LETM1: variants seen among roughly 807,000 people sequenced by gnomAD.
The protein encoded by LETM1 is leucine zipper and EF-hand containing transmembrane protein 1.
In LETM1, 50 loss-of-function variants were observed where a neutral mutation model predicts 74.5. That is an observed-to-expected ratio of 0.67 (90% CI 0.53 to 0.85). The LOEUF is 0.85. Ranked by LOEUF, LETM1 falls within the 40% of genes least tolerant of loss-of-function variation. The pLI is 0.00. For synonymous variants in LETM1, 446 were observed against 407.1 expected (o/e 1.10, Z -1.15); for missense variants, 824 against 967.8 (o/e 0.85, Z 1.97).
At position 1,823,648 on chromosome 4, in the gene LETM1, A is replaced by G. The variant is rs1711877180; in HGVS notation, c.1328T>C (p.Ile443Thr). The change falls in exon 8 of 14, where the codon ATT becomes ACT. Residue 443 changes from isoleucine (I) to threonine (T), a missense_variant. Transcript: ENST00000302787. ...LKSTLQTLPE[I>T]VAKEAQVKVA... is the part of the protein sequence containing the mutation. ...GGGGTCTCCGACAGCACGTACCACA[A>G]TCTCTGGGAGGGTCTGCAGTGTGGA... 1.2e-6 allele frequency: 2 copies of G among 1,613,654 alleles called. No homozygotes were observed. Among genetic ancestry groups the G allele is most frequent in the Non-Finnish European group, 1.7e-6 (2 of 1,179,930 alleles).
At chr4:1,815,608 C>G in intron 13 of LETM1, 56 bp downstream of exon 13, 1 of 1,599,708 alleles carries the variant, frequency 6.3e-7, no homozygotes, top group Non-Finnish European at 8.5e-7. Context: ...TCCCCCTGCC[C>G]CACCCCACTC....
intron 4 of LETM1, among the ~76,000 whole-genome samples, chr4:1,835,451 C>A (rs1406631177): frequency 2.7e-5 from 4 of 150,594 alleles, no homozygotes. Flanking sequence ...AAAAAAAAAA[C>A]AAAAACAAAA....
At chr4:1,822,954 G>A (rs1237559311) in intron 9 of LETM1, 34 bp downstream of exon 9, 3 of 1,428,504 alleles carry the variant, frequency 2.1e-6, no homozygotes, top group Non-Finnish European at 2.8e-6. Flanking sequence ...GCTCAGGACA[G>A]CCCCACGCGG....
At position 1,825,560 on chromosome 4, in the gene LETM1, G is replaced by T. The variant is rs373020080; in HGVS notation, c.1200+4C>A. 1.2e-6 allele frequency: 2 copies of T among 1,608,916 alleles called. No individual in the cohort carries two copies. Among genetic ancestry groups the T allele is most frequent in the South Asian group, 1.1e-5 (1 of 90,934 alleles). Reference sequence around the variant, plus strand: ...GGCCTGGCACCAGGCCAATATTCACGCACCTGCTTCAGCTGACCCCTCAGG... The same window carrying T: ...GGCCTGGCACCAGGCCAATATTCACTCACCTGCTTCAGCTGACCCCTCAGG... On this transcript the variant is annotated splice_donor_region_variant and intron_variant, in intron 7 of 13. Coordinates refer to ENST00000302787, the MANE Select transcript of LETM1 (RefSeq NM_012318.3).
Position 1,815,654 on chromosome 4 carries a change from C to A in LETM1, c.2070+10G>T, listed in dbSNP as rs760104799. The A allele has an allele frequency of 3.1e-6, 5 of 1,613,592 alleles. No homozygotes were observed. In the Admixed American group the frequency reaches 6.7e-5, roughly 22 times the overall value. On this transcript the variant is annotated intron_variant, in intron 13 of 13. Transcript: ENST00000302787. ...GGCGGATGGCCTGCGTGGTCCCCAG[C>A]GAGGCCCACCTTGACGAGGTCGTCG... is the stretch of plus-strand genomic sequence containing the variant.
chr4:1,829,399 A>C (rs1712177553), intron 6 of LETM1, among the ~76,000 whole-genome samples: 1 of 150,642 alleles, frequency 6.6e-6, no homozygotes, highest in Non-Finnish European at 1.5e-5. Flanking sequence ...CGGGGGGCTG[A>C]CCCCCCAACC....
chr4:1,844,886 G>GAAAA (rs971183682), intron 2 of LETM1, among the ~76,000 whole-genome samples: 20 of 51,022 alleles, frequency 3.9e-4, no homozygotes, highest in African/African-American at 1.0e-3. Flanking sequence ...TGTCTCTACA[G>GAAAA]AAAAAAAAAA....
At chr4:1,851,672 C>T (rs1376312047) in intron 1 of LETM1, among the ~76,000 whole-genome samples, 2 of 152,194 alleles carry the variant, frequency 1.3e-5, no homozygotes, top group Admixed American at 1.3e-4. Flanking sequence ...TAGCTTTGGC[C>T]CCCACCTTTC....
rs1204136019 is a variant in LETM1, at chr4:1,812,260, G to A, written c.*2164C>T. The A allele has an allele frequency of 1.3e-5, 2 of 150,582 alleles. No homozygotes were observed. Among genetic ancestry groups the A allele is most frequent in the African/African-American group, 4.9e-5 (2 of 40,748 alleles). The allele number at this position is 150,582 out of a possible 1,614,324, so 9.3% of individuals were successfully genotyped here. The stretch of plus-strand genomic sequence containing the variant: ...CATGCCTGTAATCCCAATTACTCAG[G>A]AGGCTGAGGCAGAAGAATCGCTTGA... On this transcript the variant is annotated 3_prime_UTR_variant, in exon 14 of 14. Coordinates refer to ENST00000302787, the MANE Select transcript of LETM1 (RefSeq NM_012318.3).
At chr4:1,820,554 C>T (rs779982516) in intron 10 of LETM1, among the ~76,000 whole-genome samples, 5 of 152,192 alleles carry the variant, frequency 3.3e-5, no homozygotes, top group Non-Finnish European at 5.9e-5. Flanking sequence ...CTGAGGGTGA[C>T]GGCAGCTGGA....
chr4:1,826,148 G>A (rs73202820), intron 6 of LETM1, among the ~76,000 whole-genome samples: 6,635 of 152,316 alleles, frequency 0.044, 203 homozygotes, highest in Non-Finnish European at 0.067. Flanking sequence ...AAAGCAAACA[G>A]GAGTCCCAGA....
chr4:1,824,056 C>T (rs890019042), intron 7 of LETM1, among the ~76,000 whole-genome samples: 1 of 152,198 alleles, frequency 6.6e-6, no homozygotes, highest in Non-Finnish European at 1.5e-5. Context: ...GGCGCGGTGG[C>T]TCACGCCTGT....
chr4:1,822,954 G>C (rs1237559311), intron 9 of LETM1, 34 bp downstream of exon 9: 1 of 1,428,504 alleles, frequency 7.0e-7, no homozygotes, highest in Non-Finnish European at 9.2e-7. Context: ...GCTCAGGACA[G>C]CCCCACGCGG....
chr4:1,846,647 A>T (rs1162773360), intron 2 of LETM1: 1 of 152,246 alleles, frequency 6.6e-6, no homozygotes, highest in Non-Finnish European at 1.5e-5. Flanking sequence ...AAAGAGTAAC[A>T]GACAGAACAA....
intron 9 of LETM1, 59 bp downstream of exon 9, chr4:1,822,929 T>G (rs1577312385): frequency 7.6e-7 from 1 of 1,313,602 alleles, no homozygotes; most frequent in Non-Finnish European, 9.7e-7. Context: ...CGTGCGGGGG[T>G]TTCTAGGGAG....
At chr4:1,843,710 C>T (rs1427467301) in intron 2 of LETM1, among the ~76,000 whole-genome samples, 1 of 152,202 alleles carries the variant, frequency 6.6e-6, no homozygotes. Context: ...TCCCCAATCC[C>T]TGTGAGGGCA....
At position 1,855,891 on chromosome 4, in the gene LETM1, C is replaced by A; in HGVS notation, c.60G>T (p.Pro20=). Residue 20 remains proline, a synonymous_variant, in exon 1 of 14, where the codon CCG becomes CCT. Transcript: ENST00000302787. The part of the protein sequence containing the change: ...RGRAPARLPP[P]PRYTVPRGSP... ...TACCCCGCGGGACGGTGTACCGAGG[C>A]GGCGGCGGGAGGCGGGCGGGCGCCC... The A allele has an allele frequency of 8.1e-7, 1 of 1,238,906 alleles. No homozygotes were observed. Among genetic ancestry groups the A allele is most frequent in the Non-Finnish European group, 1.0e-6 (1 of 993,994 alleles). 76.7% of individuals were successfully genotyped at this position (1,238,906 alleles called of 1,614,324 possible).
chr4:1,826,988 C>G (rs1052033290), intron 6 of LETM1, among the ~76,000 whole-genome samples: 1 of 152,156 alleles, frequency 6.6e-6, no homozygotes, highest in African/African-American at 2.4e-5. Context: ...CTCGCATCGT[C>G]GCCTCCACCC....
At chr4:1,816,692 T>C in intron 12 of LETM1, 35 bp downstream of exon 12, 1 of 1,599,096 alleles carries the variant, frequency 6.3e-7, no homozygotes, top group Non-Finnish European at 8.6e-7. Flanking sequence ...TATGTGAGTC[T>C]CCGATCCCTC....
Sources: gnomAD v4.1 joint callset for allele counts (sites outside exome capture counted in the v4.1 genomes callset) on GRCh38, gnomAD v4.1.1 for gene constraint, MANE v1.5 for transcripts, NCBI Gene and HGNC (gene_info 2026-07-23, HGNC 2026-07-21) for gene names.